Variants in AGL observed in about 807,000 individuals in gnomAD.
AGL encodes the protein amylo-alpha-1,6-glucosidase and 4-alpha-glucanotransferase, also known as glycogen debranching enzyme.
A neutral mutation model predicts 199.3 loss-of-function variants in AGL; 128 were observed. The ratio of observed to expected loss-of-function variants is 0.64; its 90% CI spans 0.56 to 0.74. AGL has a LOEUF of 0.74. AGL is among the 30% of genes least tolerant of loss of function. The pLI is 0.00. For missense variants in AGL, 1,809 were observed against 1,820.8 expected, an observed-to-expected ratio of 0.99 and a Z score of 0.12; for synonymous variants, 584 against 594.7, an observed-to-expected ratio of 0.98 and a Z score of 0.26.
At chr1:99,895,929 C>G (rs557168605) in intron 24 of AGL, among the ~76,000 whole-genome samples, 1 of 152,190 alleles carries the variant, frequency 6.6e-6, no homozygotes. Flanking sequence ...TGACGCAAGA[C>G]TGTGCCACTG....
intron 2 of AGL, chr1:99,852,535 AAT>A: frequency 1.7e-6 from 1 of 586,014 alleles, no homozygotes; most frequent in Non-Finnish European, 3.0e-6. Flanking sequence ...ATGCCCCGCT[AAT>A]TTTTTTTTTT....
chr1:99,857,847 A>AGAGGGAGACCGTAGGGAGGGGGAGGGGGG (rs1557743553), intron 2 of AGL, among the ~76,000 whole-genome samples: 1 of 8,226 alleles, frequency 1.2e-4, no homozygotes, highest in Non-Finnish European at 2.4e-4. Context: ...GGGGAGGGGG[A>AGAGGGAGACCGTAGGGAGGGGGAGGGGGG]GGGGGGAAGA....
At chr1:99,854,212 A>G (rs1029106249) in intron 2 of AGL, among the ~76,000 whole-genome samples, 2 of 152,156 alleles carry the variant, frequency 1.3e-5, no homozygotes, top group African/African-American at 4.8e-5. Flanking sequence ...AATAAAAAAT[A>G]AAATAAAATC....
At position 99,880,663 on chromosome 1, in the gene AGL, G is replaced by A. The variant is rs146514283; in HGVS notation, c.1767G>A (p.Glu589=). ...TGAGTGCATATAATAGTCATGAAGAGGGCAGATTAGTTTACCGATATGGAG... is the reference window on the plus strand; with the variant it reads ...TGAGTGCATATAATAGTCATGAAGAAGGCAGATTAGTTTACCGATATGGAG... ...EAMSAYNSHE[E]GRLVYRYGGE... Residue 589 remains glutamate, a synonymous_variant, in exon 14 of 34, where the codon GAG becomes GAA. Transcript: ENST00000361915. 3 of 1,614,044 alleles carry A rather than the reference G, an allele frequency of 1.9e-6. No homozygotes were observed. Among genetic ancestry groups the A allele is most frequent in the Non-Finnish European group, 1.7e-6 (2 of 1,179,942 alleles).
intron 17 of AGL, among the ~76,000 whole-genome samples, chr1:99,882,186 C>T (rs147935897): frequency 3.3e-5 from 5 of 150,172 alleles, no homozygotes; most frequent in Admixed American, 6.6e-5. Flanking sequence ...TATATTTTTA[C>T]TGCATGGAAC....
chr1:99,869,406 A>G (rs1296247909), intron 5 of AGL, among the ~76,000 whole-genome samples: 1 of 152,230 alleles, frequency 6.6e-6, no homozygotes, highest in Non-Finnish European at 1.5e-5. Context: ...TAATGATTCT[A>G]AAATTATATA....
chr1:99,900,691 C>T lies in AGL; in HGVS notation c.3418C>T (p.Leu1140=), dbSNP rs1404079839. 1.9e-6 allele frequency: 3 copies of T among 1,613,926 alleles called. No individual in the cohort carries two copies. Among genetic ancestry groups the T allele is most frequent in the Non-Finnish European group, 2.5e-6 (3 of 1,180,012 alleles). ...GAGGCATGGTCTCATTCCTAATCTA[C>T]TGGGTGAAGGAATTTATGCCAGATA... is the stretch of plus-strand genomic sequence containing the variant. ...TLRHGLIPNL[L]GEGIYARYNC... is the part of the protein sequence containing the mutation. Residue 1140 remains leucine, a synonymous_variant, in exon 26 of 34, where the codon CTG becomes TTG. Coordinates refer to ENST00000361915, the MANE Select transcript of AGL (RefSeq NM_000642.3).
rs1648918421 is a variant in AGL, at chr1:99,851,130, T to C, written c.82+6T>C. 6.2e-7 allele frequency: 1 copy of C among 1,612,308 alleles called. No individual in the cohort carries two copies. The highest frequency in any genetic ancestry group is 8.5e-7 in the Non-Finnish European group (1 of 1,178,342). ...CCTCTTCAGACTTGAACAAGGTCAG[T>C]AGCAAGTTGTTTTGATTTGCTCATT... On this transcript the variant is annotated splice_donor_region_variant and intron_variant, in intron 2 of 33. Coordinates refer to ENST00000361915, the MANE Select transcript of AGL (RefSeq NM_000642.3).
In AGL at chr1:99,923,197, T is replaced by G. The variant is rs1258025343; in HGVS notation, c.*1546T>G. The G allele has an allele frequency of 6.6e-6, 1 of 152,152 alleles. No homozygotes were observed. The highest frequency in any genetic ancestry group is 2.4e-5 in the African/African-American group (1 of 41,454). 9.4% of individuals were successfully genotyped at this position (152,152 alleles called of 1,614,324 possible). On this transcript the variant is annotated 3_prime_UTR_variant, in exon 34 of 34. Coordinates refer to ENST00000361915, the MANE Select transcript of AGL (RefSeq NM_000642.3). ...ATCTGACCACTATCTATAAATACAT[T>G]GGACATTGGTTTCCAAATCTCCCTT...
intron 10 of AGL, among the ~76,000 whole-genome samples, chr1:99,875,871 T>C (rs1468793347): frequency 6.6e-6 from 1 of 152,112 alleles, no homozygotes; most frequent in Non-Finnish European, 1.5e-5. Context: ...ATGCCTCAAT[T>C]ATGTATTTAT....
At chr1:99,888,393 C>A (rs1415082932) in intron 21 of AGL, among the ~76,000 whole-genome samples, 2 of 152,094 alleles carry the variant, frequency 1.3e-5, no homozygotes, top group Non-Finnish European at 2.9e-5. Context: ...AAAGTAATTA[C>A]CCAGTAAATT....
intron 7 of AGL, among the ~76,000 whole-genome samples, chr1:99,872,011 T>A (rs1364725464): frequency 6.6e-6 from 1 of 152,038 alleles, no homozygotes; most frequent in East Asian, 1.9e-4. Flanking sequence ...TTTTATTTTT[T>A]ACACATGCAA....
At chr1:99,911,962 C>T (rs1654781911) in intron 28 of AGL, among the ~76,000 whole-genome samples, 1 of 152,096 alleles carries the variant, frequency 6.6e-6, no homozygotes, top group Non-Finnish European at 1.5e-5. Flanking sequence ...ACATGCTTTA[C>T]CAGTTTTTTA....
intron 17 of AGL, among the ~76,000 whole-genome samples, chr1:99,882,396 C>T (rs1253868404): frequency 1.3e-5 from 2 of 152,150 alleles, no homozygotes; most frequent in East Asian, 1.9e-4. Context: ...TACATACAAA[C>T]ATGCGAACTA....
At position 99,892,571 on chromosome 1, in the gene AGL, A is replaced by G; in HGVS notation, c.3223A>G (p.Lys1075Glu). 2 of 1,613,626 alleles carry G rather than the reference A, an allele frequency of 1.2e-6. No individual in the cohort carries two copies. Among genetic ancestry groups the G allele is most frequent in the Non-Finnish European group, 8.5e-7 (1 of 1,179,688 alleles). ...ACCTTATAGGTTAAATGAGATCACA[A>G]AAGAAAAGGAGCAATGTTGTGTTTC... is the stretch of plus-strand genomic sequence containing the variant. ...DVPYRLNEIT[K>E]EKEQCCVSLA... Residue 1075 changes from lysine to glutamate, a missense_variant, in exon 24 of 34, where the codon AAA becomes GAA. Physicochemically the swap from Lys to Glu is moderately conservative, Grantham distance 56 (BLOSUM62 1). Coordinates refer to ENST00000361915, the MANE Select transcript of AGL (RefSeq NM_000642.3).
chr1:99,873,986 A>G (rs953935683), intron 7 of AGL, among the ~76,000 whole-genome samples: 1 of 152,188 alleles, frequency 6.6e-6, no homozygotes, highest in African/African-American at 2.4e-5. Context: ...ATTTTATTAC[A>G]AACAAGTTCC....
At chr1:99,886,413 A>G (rs1652456994) in intron 20 of AGL, among the ~76,000 whole-genome samples, 1 of 152,032 alleles carries the variant, frequency 6.6e-6, no homozygotes, top group South Asian at 2.1e-4. Context: ...TGAGCCCAGG[A>G]GGTCTAGGCT....
intron 2 of AGL, among the ~76,000 whole-genome samples, chr1:99,852,230 C>G (rs982080742): frequency 5.9e-5 from 9 of 151,938 alleles, no homozygotes; most frequent in Non-Finnish European, 1.0e-4. Flanking sequence ...AAGCCTTGAG[C>G]TTTCTTCTTC....
In AGL at chr1:99,874,668, C is replaced by T. The variant is rs767948509; in HGVS notation, c.959-19C>T. Reference sequence around the variant, plus strand: ...TTGTAGATATTTGCATTTAAGGTATCGTCTTTTCTTTCTTTTAGAAAATAG... The same window carrying T: ...TTGTAGATATTTGCATTTAAGGTATTGTCTTTTCTTTCTTTTAGAAAATAG... On this transcript the variant is annotated intron_variant, in intron 7 of 33. Transcript: ENST00000361915. 1.2e-6 allele frequency: 2 copies of T among 1,602,974 alleles called. No individual in the cohort carries two copies. Among genetic ancestry groups the T allele is most frequent in the Non-Finnish European group, 1.7e-6 (2 of 1,170,968 alleles).
Sources: gnomAD v4.1 joint callset for allele counts (sites outside exome capture counted in the v4.1 genomes callset) on GRCh38, gnomAD v4.1.1 for gene constraint, MANE v1.5 for transcripts, NCBI Gene and HGNC (gene_info 2026-07-23, HGNC 2026-07-21) for gene names.